ENTREP2: variants seen among roughly 807,000 people sequenced by gnomAD.
ENTREP2 encodes the protein protein ENTREP2.
the ENTREP2 span, among the ~76,000 whole-genome samples, chr15:29,501,336 T>G: frequency 1.3e-5 from 2 of 152,000 alleles, no homozygotes; most frequent in Non-Finnish European, 2.9e-5. Context: ...CATGACCAAG[T>G]AGAGTTTATC....
chr15:29,642,490 CATAT>C, the ENTREP2 span, among the ~76,000 whole-genome samples: 3 of 146,404 alleles, frequency 2.0e-5, no homozygotes, highest in Non-Finnish European at 4.5e-5. Flanking sequence ...CACATATATA[CATAT>C]ATACACATAT....
At chr15:29,624,944 A>G in the ENTREP2 span, among the ~76,000 whole-genome samples, 2 of 149,282 alleles carry the variant, frequency 1.3e-5, no homozygotes, top group East Asian at 4.0e-4. Context: ...GTGTAGATTT[A>G]TGTAATGTCA....
chr15:29,598,683 T>G, the ENTREP2 span, among the ~76,000 whole-genome samples: 2 of 128,118 alleles, frequency 1.6e-5, no homozygotes, highest in African/African-American at 5.5e-5. Flanking sequence ...ACCTAAAATC[T>G]TTTTTTTCTT....
chr15:29,365,250 C>CTTT, the ENTREP2 span, among the ~76,000 whole-genome samples: 65 of 142,014 alleles, frequency 4.6e-4, no homozygotes, highest in East Asian at 1.4e-3. Context: ...TAGCTCATTT[C>CTTT]TTTTTTTTTT....
the ENTREP2 span, among the ~76,000 whole-genome samples, chr15:29,241,175 G>A: frequency 6.6e-6 from 1 of 152,138 alleles, no homozygotes; most frequent in Non-Finnish European, 1.5e-5. Flanking sequence ...GAAAAAGAAC[G>A]TATATTCACT....
At chr15:29,510,305 T>C in the ENTREP2 span, among the ~76,000 whole-genome samples, 5 of 152,086 alleles carry the variant, frequency 3.3e-5, no homozygotes, top group African/African-American at 1.2e-4. Flanking sequence ...TTGGTGGGAG[T>C]ATAAATTAGT....
chr15:29,135,309 G>A, the ENTREP2 span, among the ~76,000 whole-genome samples: 1 of 152,258 alleles, frequency 6.6e-6, no homozygotes, highest in East Asian at 1.9e-4. This position sits in a 1 kb window ranked among gnomAD's most constrained non-coding sequence, Gnocchi z 7.4. Flanking sequence ...AATGTTCATG[G>A]ATGATATCCT....
the ENTREP2 span, among the ~76,000 whole-genome samples, chr15:29,455,749 A>G: frequency 2.0e-5 from 3 of 152,308 alleles, no homozygotes; most frequent in Non-Finnish European, 2.9e-5. Flanking sequence ...GCGAAGCTTC[A>G]TCTGTATTTA....
chr15:29,551,330 G>A, the ENTREP2 span, among the ~76,000 whole-genome samples: 46 of 152,286 alleles, frequency 3.0e-4, no homozygotes, highest in Non-Finnish European at 4.9e-4. Flanking sequence ...CTTCCATGCT[G>A]AGCGATGGTC....
chr15:29,387,589 T>A, the ENTREP2 span, among the ~76,000 whole-genome samples: 1 of 152,174 alleles, frequency 6.6e-6, no homozygotes, highest in East Asian at 1.9e-4. Context: ...AAGCTACCAA[T>A]GACTTTCTTC....
At chr15:29,334,405 C>G in the ENTREP2 span, among the ~76,000 whole-genome samples, 1 of 99,986 alleles carries the variant, frequency 1.0e-5, no homozygotes, top group Non-Finnish European at 2.6e-5. Flanking sequence ...GAGCAGCAAG[C>G]AGGGCTTTCA....
the ENTREP2 span, among the ~76,000 whole-genome samples, chr15:29,426,611 G>A: frequency 6.6e-6 from 1 of 152,078 alleles, no homozygotes; most frequent in Non-Finnish European, 1.5e-5. Flanking sequence ...CTAATCCAAT[G>A]TTGGTCATCT....
chr15:29,638,747 C>A, the ENTREP2 span, among the ~76,000 whole-genome samples: 1 of 152,182 alleles, frequency 6.6e-6, no homozygotes, highest in Non-Finnish European at 1.5e-5. Flanking sequence ...GTGGCTGTTG[C>A]CTAGCAAGTA....
chr15:29,558,888 A>C, the ENTREP2 span, among the ~76,000 whole-genome samples: 1 of 151,582 alleles, frequency 6.6e-6, no homozygotes, highest in Non-Finnish European at 1.5e-5. Context: ...TCTTTCCTCC[A>C]GCTTACTTTA....
chr15:29,602,118 G>A, the ENTREP2 span, among the ~76,000 whole-genome samples: 3 of 152,174 alleles, frequency 2.0e-5, no homozygotes, highest in African/African-American at 7.2e-5. Flanking sequence ...TCAGAACCAC[G>A]AGAAGCAAAG....
the ENTREP2 span, among the ~76,000 whole-genome samples, chr15:29,185,190 G>A: frequency 2.0e-5 from 3 of 151,906 alleles, no homozygotes; most frequent in Non-Finnish European, 4.4e-5. Context: ...TTGAACTCCC[G>A]ACCTCAGAAT....
the ENTREP2 span, among the ~76,000 whole-genome samples, chr15:29,556,117 G>A: frequency 6.6e-6 from 1 of 152,144 alleles, no homozygotes; most frequent in Non-Finnish European, 1.5e-5. Flanking sequence ...AAATTAGCCG[G>A]GAGTGGTGGC....
At chr15:29,459,405 G>A in the ENTREP2 span, among the ~76,000 whole-genome samples, 1 of 152,142 alleles carries the variant, frequency 6.6e-6, no homozygotes, top group Non-Finnish European at 1.5e-5. Context: ...CTGAGGACAG[G>A]CACTCTTCTC....
the ENTREP2 span, among the ~76,000 whole-genome samples, chr15:29,431,438 A>G: frequency 6.6e-6 from 1 of 152,124 alleles, no homozygotes; most frequent in African/African-American, 2.4e-5. Context: ...CTAAAACTGT[A>G]ATTTTATTTT....
Sources: gnomAD v4.1 joint callset for allele counts (sites outside exome capture counted in the v4.1 genomes callset) on GRCh38, gnomAD v4.1.1 for gene constraint, Gnocchi (gnomAD v3.1) non-coding constraint, MANE v1.5 for transcripts, NCBI Gene and HGNC (gene_info 2026-07-23, HGNC 2026-07-21) for gene names.